Variants in USP48 observed in about 807,000 individuals in gnomAD.
The protein encoded by USP48 is ubiquitin carboxyl-terminal hydrolase 48.
Under a neutral mutation model 150.7 loss-of-function variants are expected in USP48, and 43 were observed. That is an observed-to-expected ratio of 0.29 (90% CI 0.22 to 0.37). The LOEUF (loss-of-function observed/expected upper bound fraction) is 0.37, where lower values mean the gene tolerates loss of function less well. USP48 is among the 10% of genes least tolerant of loss of function. The pLI, the probability that USP48 is intolerant of heterozygous loss-of-function variation, is 1.00. For synonymous variants in USP48, 396 were observed against 425.9 expected (o/e 0.93, Z 0.86); for missense variants, 813 against 1,249.6 (o/e 0.65, Z 5.27).
chr1:21,772,239 C>T (rs369145552), intron 1 of USP48, among the ~76,000 whole-genome samples: 1 of 152,010 alleles, frequency 6.6e-6, no homozygotes, highest in East Asian at 1.9e-4. Flanking sequence ...AATTTTACCA[C>T]ATAAAAAATC....
rs201088979 is a variant in USP48, at chr1:21,753,129, C to T, written c.413-10G>A. ...GTTTGAGGCTCATAATCTATTAAAA[C>T]AAAAATATAGATTTGGGGTTTTTTA... On this transcript the variant is annotated splice_polypyrimidine_tract_variant and intron_variant, in intron 3 of 26. Transcript: ENST00000308271. 1.1e-5 allele frequency: 17 copies of T among 1,589,034 alleles called. No homozygotes were observed. The highest frequency in any genetic ancestry group is 1.4e-5 in the Non-Finnish European group (17 of 1,173,310).
intron 15 of USP48, among the ~76,000 whole-genome samples, chr1:21,710,372 T>C (rs146721959): frequency 7.9e-4 from 121 of 152,290 alleles, no homozygotes; most frequent in African/African-American, 2.9e-3. Flanking sequence ...CTGTATATAA[T>C]ACTTTGGGCC....
chr1:21,747,020 T>TA, intron 8 of USP48, 47 bp downstream of exon 8: 1 of 1,424,566 alleles, frequency 7.0e-7, no homozygotes, highest in Admixed American at 2.1e-5. Context: ...GATCACAAGT[T>TA]AGAGTCTCTG....
intron 9 of USP48, among the ~76,000 whole-genome samples, chr1:21,732,290 AAG>A (rs2097758861): frequency 6.6e-6 from 1 of 152,128 alleles, no homozygotes; most frequent in Admixed American, 6.5e-5. Context: ...AAAACAAAAA[AAG>A]AGGTTATGGG....
intron 22 of USP48, among the ~76,000 whole-genome samples, chr1:21,697,274 T>C (rs1003474771): frequency 1.3e-5 from 2 of 151,284 alleles, no homozygotes; most frequent in Non-Finnish European, 2.9e-5. Context: ...TGAGTGATTC[T>C]AAGATTCACG....
In USP48 at chr1:21,687,091, G is replaced by T. The variant is rs2097582285; in HGVS notation, c.3058+100C>A. ...AACAATATGTGGAAGCTTTTTTCAAGGTTCAAAGTAAAAGCACTGTACACT... is the reference window on the plus strand; with the variant it reads ...AACAATATGTGGAAGCTTTTTTCAATGTTCAAAGTAAAAGCACTGTACACT... On this transcript the variant is annotated intron_variant, in intron 25 of 26. Transcript: ENST00000308271. The T allele has an allele frequency of 3.6e-6, 4 of 1,103,488 alleles. No homozygotes were observed. In the South Asian group the frequency reaches 4.2e-5, roughly 12 times the overall value. 68.4% of individuals were successfully genotyped at this position (1,103,488 alleles called of 1,614,324 possible). A position where few individuals can be genotyped will look rare whatever the true frequency, so the allele number is the denominator to read the frequency against.
chr1:21,701,884 A>C (rs1431063136), intron 21 of USP48, among the ~76,000 whole-genome samples: 1 of 152,180 alleles, frequency 6.6e-6, no homozygotes, highest in African/African-American at 2.4e-5. Context: ...AGTCTTGTAC[A>C]ATGATGTTAT....
At chr1:21,685,501 G>C (rs1282407012) in intron 25 of USP48, among the ~76,000 whole-genome samples, 1 of 152,084 alleles carries the variant, frequency 6.6e-6, no homozygotes, top group Non-Finnish European at 1.5e-5. Context: ...TTTTAGTAGA[G>C]ATGGGGTTTC....
In USP48 at chr1:21,721,055, G is replaced by A. The variant is rs760823465; in HGVS notation, c.1875C>T (p.Asn625=). The A allele has an allele frequency of 5.0e-6, 8 of 1,614,088 alleles. No homozygotes were observed. The highest frequency in any genetic ancestry group is 1.3e-5 in the African/African-American group (1 of 74,920). ...GDAEQSNGKM[N]GSTLNKDESK... Reference sequence around the variant, plus strand: ...TGTTACCTTTATTTAAGGTGCTACCGTTCATCTTTCCGTTGCTTTGTTCTG... The same window carrying A: ...TGTTACCTTTATTTAAGGTGCTACCATTCATCTTTCCGTTGCTTTGTTCTG... The change falls in exon 14 of 27, where the codon AAC becomes AAT. Residue 625 remains asparagine (N), a synonymous_variant. Coordinates refer to ENST00000308271, the MANE Select transcript of USP48 (RefSeq NM_032236.8).
At chr1:21,706,668 A>G (rs562597539) in intron 16 of USP48, 76 bp downstream of exon 16, 1 of 1,612,018 alleles carries the variant, frequency 6.2e-7, no homozygotes, top group South Asian at 1.1e-5. Flanking sequence ...CGTCAGAAGT[A>G]CAGTGTTAAT....
At chr1:21,713,524 T>G (rs2097696100) in intron 15 of USP48, among the ~76,000 whole-genome samples, 1 of 151,976 alleles carries the variant, frequency 6.6e-6, no homozygotes. Flanking sequence ...TGATAAGAGG[T>G]GGGAAGGCAG....
At chr1:21,722,309 A>G (rs2097723266) in intron 12 of USP48, among the ~76,000 whole-genome samples, 1 of 151,400 alleles carries the variant, frequency 6.6e-6, no homozygotes, top group South Asian at 2.1e-4. Flanking sequence ...GAAGCCAAGC[A>G]GGGAGGGTAG....
Position 21,695,058 on chromosome 1 carries a change from TC to T in USP48, c.2883+7del, listed in dbSNP as rs1490690265. The stretch of plus-strand genomic sequence containing the variant: ...TCCAGAGCAAACTTGAACAAATGTT[TC>T]CCTCACCTGAATTTTCAATTCTTTT... On this transcript the variant is annotated splice_region_variant and intron_variant, in intron 23 of 26. Transcript: ENST00000308271. The T allele has an allele frequency of 3.1e-6, 5 of 1,607,010 alleles. No individual in the cohort carries two copies. Among genetic ancestry groups the T allele is most frequent in the Non-Finnish European group, 4.2e-6 (5 of 1,177,586 alleles).
intron 25 of USP48, among the ~76,000 whole-genome samples, chr1:21,684,826 G>T (rs1211509878): frequency 6.6e-6 from 1 of 152,078 alleles, no homozygotes; most frequent in East Asian, 1.9e-4. Context: ...TATGTTCTTG[G>T]TGCCTTTGTC....
intron 22 of USP48, among the ~76,000 whole-genome samples, chr1:21,698,049 ATTTG>A (rs1209954923): frequency 6.6e-6 from 1 of 152,110 alleles, no homozygotes; most frequent in African/African-American, 2.4e-5. Context: ...AGGAAAAGGG[ATTTG>A]TTTATCTCCA....
At chr1:21,765,948 T>C in intron 1 of USP48, among the ~76,000 whole-genome samples, 1 of 127,208 alleles carries the variant, frequency 7.9e-6, no homozygotes, top group Admixed American at 7.6e-5. Flanking sequence ...GGCAATTCAG[T>C]GGGAATAGGA....
At chr1:21,689,222 T>A (rs1440852024) in intron 24 of USP48, among the ~76,000 whole-genome samples, 1 of 150,982 alleles carries the variant, frequency 6.6e-6, no homozygotes, top group African/African-American at 2.4e-5. Context: ...TTTTGCTTTT[T>A]TTTTTTGTGG....
intron 9 of USP48, among the ~76,000 whole-genome samples, chr1:21,732,286 A>G (rs1279575232): frequency 6.6e-6 from 1 of 152,136 alleles, no homozygotes; most frequent in African/African-American, 2.4e-5. Flanking sequence ...CTCAAAAACA[A>G]AAAAAGAGGT....
At chr1:21,754,863 G>A (rs116165545) in intron 3 of USP48, among the ~76,000 whole-genome samples, 2,307 of 152,190 alleles carry the variant, frequency 0.015, 48 homozygotes, top group East Asian at 0.057. Flanking sequence ...TTTCTAGTAG[G>A]GATTCCCAGG....
Sources: allele counts gnomAD v4.1 joint callset (sites outside exome capture counted in the v4.1 genomes callset), GRCh38; gene constraint gnomAD v4.1.1; transcripts MANE v1.5; gene names NCBI Gene and HGNC (gene_info 2026-07-23, HGNC 2026-07-21).